PHTF1: variants seen among roughly 807,000 people sequenced by gnomAD.
The protein encoded by PHTF1 is protein PHTF1.
Under a neutral mutation model 102.4 loss-of-function variants are expected in PHTF1, and 88 were observed. The ratio of observed to expected loss-of-function variants is 0.86; its 90% confidence interval spans 0.72 to 1.03. The LOEUF (loss-of-function observed/expected upper bound fraction) is 1.03, where lower values mean the gene tolerates loss of function less well. Among genes scored for constraint, PHTF1 ranks in the 50% least tolerant of loss-of-function variants. The pLI is 0.00. For missense variants in PHTF1, 814 were observed against 909.5 expected (o/e 0.89, Z 1.35); for synonymous variants, 289 against 305.2 (o/e 0.95, Z 0.55).
chr1:113,746,056 C>T (rs1657193205), intron 3 of PHTF1, among the ~76,000 whole-genome samples: 1 of 152,168 alleles, frequency 6.6e-6, no homozygotes, highest in South Asian at 2.1e-4. Flanking sequence ...CACTGTAGCA[C>T]TAAAGCAGAC....
intron 3 of PHTF1, among the ~76,000 whole-genome samples, chr1:113,756,521 G>C (rs556468437): frequency 6.6e-6 from 1 of 152,288 alleles, no homozygotes; most frequent in Non-Finnish European, 1.5e-5. Context: ...AAGGAAGTGA[G>C]GCCCTGAATC....
chr1:113,700,734 C>A (rs985593923), intron 16 of PHTF1, 60 bp downstream of exon 16: 3 of 1,482,048 alleles, frequency 2.0e-6, no homozygotes, highest in East Asian at 2.3e-5. Flanking sequence ...TCTGCAGGAA[C>A]CTTACAGCGT....
intron 3 of PHTF1, among the ~76,000 whole-genome samples, chr1:113,749,794 A>G (rs116772575): frequency 0.012 from 1,787 of 152,232 alleles, 35 homozygotes; most frequent in African/African-American, 0.03. Flanking sequence ...GGCTTTCCCT[A>G]TTGCAGGCAC....
intron 11 of PHTF1, among the ~76,000 whole-genome samples, chr1:113,708,864 T>C (rs1650619554): frequency 6.6e-6 from 1 of 152,208 alleles, no homozygotes. Context: ...ATCGTGATAC[T>C]ATGCATAACT....
intron 17 of PHTF1, among the ~76,000 whole-genome samples, chr1:113,698,620 T>C (rs6704341): frequency 0.18 from 8,932 of 49,530 alleles, 634 homozygotes; most frequent in African/African-American, 0.28. Context: ...TATATATATA[T>C]ACACACACAC....
chr1:113,707,992 A>C (rs773504743), intron 11 of PHTF1, among the ~76,000 whole-genome samples: 3 of 152,192 alleles, frequency 2.0e-5, no homozygotes, highest in Non-Finnish European at 4.4e-5. Flanking sequence ...TACACATCAG[A>C]AACAAAGAAG....
intron 3 of PHTF1, among the ~76,000 whole-genome samples, chr1:113,745,714 G>A (rs538100632): frequency 2.6e-5 from 4 of 152,082 alleles, no homozygotes; most frequent in African/African-American, 7.2e-5. Context: ...CTGCACATTC[G>A]AGGGATCTAG....
Position 113,724,815 on chromosome 1 carries a change from T to C in PHTF1, c.567A>G (p.Glu189=), listed in dbSNP as rs201176040. 1.2e-6 allele frequency: 2 copies of C among 1,611,878 alleles called. No homozygotes were observed. Among genetic ancestry groups the C allele is most frequent in the East Asian group, 4.5e-5 (2 of 44,826 alleles). The change falls in exon 7 of 19, where the codon GAA becomes GAG. Residue 189 remains glutamate (E), a synonymous_variant. Coordinates refer to ENST00000369604, the MANE Select transcript of PHTF1 (RefSeq NM_001323043.2). ...NNSSDKVRGI[E]TLESVPIIGG... is the part of the protein sequence containing the mutation. ...CAATAATGGGTACAGATTCCAAAGT[T>C]TCTATTCCTCTGACTTTATCAGAGG... is the stretch of plus-strand genomic sequence containing the variant.
intron 5 of PHTF1, among the ~76,000 whole-genome samples, chr1:113,734,367 T>C (rs1655161616): frequency 6.6e-6 from 1 of 152,134 alleles, no homozygotes; most frequent in Non-Finnish European, 1.5e-5. Flanking sequence ...GAACAGACTA[T>C]TGGTAAAATA....
At chr1:113,723,163 T>C (rs1422715525) in intron 7 of PHTF1, among the ~76,000 whole-genome samples, 1 of 150,722 alleles carries the variant, frequency 6.6e-6, no homozygotes, top group Non-Finnish European at 1.5e-5. Flanking sequence ...GATCCATACA[T>C]CTACAGTGAA....
At chr1:113,758,838 T>G in intron 1 of PHTF1, 105 bp from the exon 2 acceptor site, 1 of 1,384,154 alleles carries the variant, frequency 7.2e-7, no homozygotes, top group East Asian at 2.9e-5. Flanking sequence ...CATGAGCTGC[T>G]CTTTCTCCAG....
In PHTF1 at chr1:113,746,962, T is replaced by C. The variant is rs534048091; in HGVS notation, c.103-8163A>G. 36 of 207,460 alleles carry C rather than the reference T, an allele frequency of 1.7e-4. No individual in the cohort carries two copies. In the East Asian group the frequency reaches 5.5e-3, roughly 32 times the overall value. The allele number at this position is 207,460 out of a possible 1,614,324, so 12.9% of individuals were successfully genotyped here. On this transcript the variant is annotated intron_variant, in intron 3 of 18. Coordinates refer to ENST00000369604, the MANE Select transcript of PHTF1 (RefSeq NM_001323043.2). ...ATGTTATCCATTCATTTCTTACTGT[T>C]GAAGATGAGGAAATAACTCTTATTT...
intron 3 of PHTF1, chr1:113,746,858 C>A: frequency 1.1e-6 from 1 of 911,048 alleles, no homozygotes; most frequent in Non-Finnish European, 1.3e-6. Context: ...CCTTCCTTAC[C>A]CTTGATTCAT....
In PHTF1 at chr1:113,698,298, T is replaced by A; in HGVS notation, c.2232A>T (p.Ser744=). 6.2e-7 allele frequency: 1 copy of A among 1,608,454 alleles called. No homozygotes were observed. Among genetic ancestry groups the A allele is most frequent in the Non-Finnish European group, 8.5e-7 (1 of 1,175,118 alleles). The change falls in exon 18 of 19, where the codon TCA becomes TCT. Residue 744 remains serine, a synonymous_variant. Transcript: ENST00000369604. ...ITRVVILSAV[S]GVISDLLGFN... ...ATCCTAGAAGATCACTTATAACACC[T>A]GAGACAGCAGAAAGGATAACTACTC...
At chr1:113,739,955 C>T (rs1656102180) in intron 3 of PHTF1, among the ~76,000 whole-genome samples, 1 of 152,142 alleles carries the variant, frequency 6.6e-6, no homozygotes, top group Non-Finnish European at 1.5e-5. Flanking sequence ...TGTATATATA[C>T]CATATTTTCT....
chr1:113,756,894 G>T (rs2359167), intron 3 of PHTF1, among the ~76,000 whole-genome samples: 16 of 152,066 alleles, frequency 1.1e-4, no homozygotes. Context: ...TAGGCCGGGC[G>T]CGGTGGCTCA....
chr1:113,700,649 T>C (rs768750115), intron 16 of PHTF1, 145 bp downstream of exon 16: 2 of 641,784 alleles, frequency 3.1e-6, no homozygotes, highest in Non-Finnish European at 5.2e-6. Context: ...GATAAGCAAC[T>C]ACAGAGCAGC....
rs149601291 is a variant in PHTF1 at position 113,740,624 on chromosome 1, T to C, written c.103-1825A>G. 2.4e-4 allele frequency among the ~76,000 whole-genome samples: 37 copies of C among 152,320 alleles called. No homozygotes were observed. The East Asian group carries it at 6.6e-3, about 27-fold the overall frequency. Reference sequence around the variant, plus strand: ...ACCTGTGCTTCTGAGGTCTTCTCCATAAAATCTTTACCCAGACCAATGTTC... The same window carrying C: ...ACCTGTGCTTCTGAGGTCTTCTCCACAAAATCTTTACCCAGACCAATGTTC... On this transcript the variant is annotated intron_variant, in intron 3 of 18. Coordinates refer to ENST00000369604, the MANE Select transcript of PHTF1 (RefSeq NM_001323043.2).
intron 7 of PHTF1, among the ~76,000 whole-genome samples, chr1:113,715,575 G>A (rs917863400): frequency 7.2e-6 from 1 of 139,072 alleles, no homozygotes; most frequent in Non-Finnish European, 1.5e-5. Flanking sequence ...TTGAGCCTAG[G>A]AGGTGGAGTT....
Sources: allele counts gnomAD v4.1 joint callset (sites outside exome capture counted in the v4.1 genomes callset), GRCh38; gene constraint gnomAD v4.1.1; transcripts MANE v1.5; gene names NCBI Gene and HGNC (gene_info 2026-07-23, HGNC 2026-07-21).